ASIC2: variants seen among roughly 807,000 people sequenced by gnomAD.
ASIC2 encodes acid sensing ion channel subunit 2.
Under a neutral mutation model 57.3 loss-of-function variants are expected in ASIC2, and 25 were observed. The ratio of observed to expected loss-of-function variants is 0.44; its 90% CI spans 0.32 to 0.61. The LOEUF is 0.61. Among genes scored for constraint, ASIC2 ranks in the 20% least tolerant of loss-of-function variants. The pLI, the probability that ASIC2 is intolerant of heterozygous loss-of-function variation, is 0.06. For missense variants in ASIC2, 641 were observed against 738.1 expected, an observed-to-expected ratio of 0.87 and a Z score of 1.52; for synonymous variants, 319 against 307.5, an observed-to-expected ratio of 1.04 and a Z score of -0.39.
chr17:33,901,910 C>T (rs1020790834), intron 1 of ASIC2, among the ~76,000 whole-genome samples: 15 of 152,102 alleles, frequency 9.9e-5, no homozygotes, highest in Non-Finnish European at 1.6e-4. Flanking sequence ...CGACTATGCT[C>T]GATCACTCCA....
At chr17:33,225,024 C>G (rs538028097) in intron 1 of ASIC2, among the ~76,000 whole-genome samples, 57 of 152,322 alleles carry the variant, frequency 3.7e-4, no homozygotes, top group African/African-American at 1.3e-3. Flanking sequence ...CACCCACTCC[C>G]ATCTCTGCTG....
chr17:33,469,811 C>G (rs552617023), intron 1 of ASIC2, among the ~76,000 whole-genome samples: 1 of 152,268 alleles, frequency 6.6e-6, no homozygotes, highest in African/African-American at 2.4e-5. Context: ...TCCCTGATAT[C>G]TACTTAACCT....
intron 3 of ASIC2, among the ~76,000 whole-genome samples, chr17:33,087,497 A>G (rs2092138870): frequency 6.6e-6 from 1 of 151,732 alleles, no homozygotes; most frequent in Non-Finnish European, 1.5e-5. Context: ...TACAGGGCAC[A>G]GTTTGTGAGG....
chr17:34,108,208 T>G (rs1415217168), intron 1 of ASIC2, among the ~76,000 whole-genome samples: 2 of 152,188 alleles, frequency 1.3e-5, no homozygotes, highest in African/African-American at 4.8e-5. Context: ...TCAACAAAAC[T>G]GCTCTGCTGA....
At chr17:33,440,248 A>G (rs1911777879) in intron 1 of ASIC2, among the ~76,000 whole-genome samples, 1 of 152,106 alleles carries the variant, frequency 6.6e-6, no homozygotes, top group Admixed American at 6.5e-5. Context: ...AGTCTTTTGG[A>G]TCTGGCCTCT....
rs1188026269 is a variant in ASIC2 at position 33,291,936 on chromosome 17, C to G, written c.180G>C (p.Ser60=). ...GCCCGTGCAGTTTAGCGCGGCTCAG[C>G]GATGGCCGCCCCCTGCGGGCGACCC... ...GPGVARRGRP[S]LSRAKLHGLR... The change falls in exon 1 of 10, where the codon TCG becomes TCC. Residue 60 remains serine (S), a synonymous_variant. Transcript: ENST00000225823. 5 of 1,545,490 alleles carry G rather than the reference C, an allele frequency of 3.2e-6. No individual in the cohort carries two copies. Among genetic ancestry groups the G allele is most frequent in the African/African-American group, 1.4e-5 (1 of 72,492 alleles).
rs183676165 is a variant in ASIC2, at chr17:33,524,557, G to A, written c.556-412490C>T. Among the ~76,000 whole-genome samples the A allele has an allele frequency of 2.6e-5, 4 of 152,132 alleles. No homozygotes were observed. In the East Asian group the frequency reaches 7.7e-4, roughly 29 times the overall value. On this transcript the variant is annotated intron_variant, in intron 1 of 9. Transcript: ENST00000359872. ...GAAGTGTAGACTCATTCGGAGGTGT[G>A]CACTGGGAGGGGGTGTCACAGCTTG...
At chr17:33,607,999 A>G (rs1359628842) in intron 1 of ASIC2, among the ~76,000 whole-genome samples, 1 of 152,174 alleles carries the variant, frequency 6.6e-6, no homozygotes, top group Non-Finnish European at 1.5e-5. Flanking sequence ...CTGTCAGGAC[A>G]AGAGGAATGG....
intron 1 of ASIC2, among the ~76,000 whole-genome samples, chr17:34,030,314 C>G (rs79729786): frequency 6.6e-6 from 1 of 152,212 alleles, no homozygotes; most frequent in Non-Finnish European, 1.5e-5. Context: ...GATCCATAAT[C>G]CATCCATTCG....
chr17:33,223,967 C>T lies in ASIC2; in HGVS notation c.708+67441G>A, dbSNP rs115430313. 2.1e-3 allele frequency among the ~76,000 whole-genome samples: 318 copies of T among 152,306 alleles called. 1 individual carries two copies. Among genetic ancestry groups the T allele is most frequent in the African/African-American group, 7.1e-3 (297 of 41,556 alleles). ...TGGTCACAGACACCAGATTTTTGCA[C>T]ATGACATTAGAAAGGACAGGGATCT... On this transcript the variant is annotated intron_variant, in intron 1 of 9. Transcript: ENST00000225823.
At chr17:34,072,739 G>A (rs770219492) in intron 1 of ASIC2, among the ~76,000 whole-genome samples, 8 of 152,232 alleles carry the variant, frequency 5.3e-5, no homozygotes, top group Non-Finnish European at 8.8e-5. Flanking sequence ...TGTGATGGAC[G>A]ATTTCTCTCA....
intron 1 of ASIC2, among the ~76,000 whole-genome samples, chr17:33,169,964 GC>G (rs374280218): frequency 2.6e-4 from 39 of 152,224 alleles, no homozygotes; most frequent in African/African-American, 8.4e-4. Context: ...AAGTGCTGTG[GC>G]CCCCCAAGAT....
At chr17:34,021,481 G>A (rs1017739437) in intron 1 of ASIC2, among the ~76,000 whole-genome samples, 3 of 152,164 alleles carry the variant, frequency 2.0e-5, no homozygotes, top group African/African-American at 7.2e-5. Flanking sequence ...CCTAGGGCAG[G>A]GCTCTGGAAT....
chr17:33,687,783 T>TA (rs1908241634), intron 1 of ASIC2, among the ~76,000 whole-genome samples: 1 of 152,196 alleles, frequency 6.6e-6, no homozygotes, highest in Non-Finnish European at 1.5e-5. Flanking sequence ...CAAGCCTCTC[T>TA]AATGACCTGG....
At chr17:33,847,829 C>T (rs1028889893) in intron 1 of ASIC2, among the ~76,000 whole-genome samples, 1 of 151,932 alleles carries the variant, frequency 6.6e-6, no homozygotes, top group Non-Finnish European at 1.5e-5. Context: ...GGGAAGCCTT[C>T]AAGGAGGAAA....
intron 1 of ASIC2, among the ~76,000 whole-genome samples, chr17:33,661,275 G>T (rs1907254760): frequency 6.6e-6 from 1 of 152,230 alleles, no homozygotes; most frequent in Non-Finnish European, 1.5e-5. Context: ...CCGAAGCTCA[G>T]AAAATAGTTC....
At chr17:34,047,600 C>A (rs377329699) in intron 1 of ASIC2, among the ~76,000 whole-genome samples, 2 of 150,488 alleles carry the variant, frequency 1.3e-5, no homozygotes, top group Non-Finnish European at 3.0e-5. Flanking sequence ...ATGCCCTTTG[C>A]GGCATGACTT....
At chr17:33,579,435 G>T (rs141146582) in intron 1 of ASIC2, among the ~76,000 whole-genome samples, 1 of 152,042 alleles carries the variant, frequency 6.6e-6, no homozygotes, top group African/African-American at 2.4e-5. Context: ...ATATAGACTA[G>T]GGCTGCGGGG....
chr17:33,719,702 T>C (rs537030044), intron 1 of ASIC2, among the ~76,000 whole-genome samples: 1 of 152,340 alleles, frequency 6.6e-6, no homozygotes, highest in African/African-American at 2.4e-5. Context: ...GCACTGAGTC[T>C]TGCCTTGAGT....
Sources: allele counts gnomAD v4.1 joint callset (sites outside exome capture counted in the v4.1 genomes callset), GRCh38; gene constraint gnomAD v4.1.1; transcripts MANE v1.5; gene names NCBI Gene and HGNC (gene_info 2026-07-23, HGNC 2026-07-21).